Variants in SIGLEC7 observed in about 807,000 individuals in gnomAD.
SIGLEC7 encodes the protein sialic acid binding Ig like lectin 7.
In SIGLEC7, 33 loss-of-function variants were observed where a neutral mutation model predicts 40.8. That is an observed-to-expected ratio of 0.81 (90% confidence interval 0.61 to 1.08). The LOEUF (loss-of-function observed/expected upper bound fraction) is 1.08, where lower values mean the gene tolerates loss of function less well. SIGLEC7 is among the 50% of genes least tolerant of loss of function. SIGLEC7 has a pLI of 0.00. For synonymous variants in SIGLEC7, 242 were observed against 237.6 expected (o/e 1.02, Z -0.17); for missense variants, 513 against 576.1 (o/e 0.89, Z 1.12).
chr19:51,146,836 T>C lies in SIGLEC7; in HGVS notation c.1110T>C (p.Cys370=), dbSNP rs1169385561. ...GATALVFLSF[C]VIFIVVRSCR... Reference sequence around the variant, plus strand: ...CAGCCCTGGTCTTCCTCTCCTTCTGTGTCATCTTCATTGTGTGAGCACTGA... The same window carrying C: ...CAGCCCTGGTCTTCCTCTCCTTCTGCGTCATCTTCATTGTGTGAGCACTGA... Residue 370 remains cysteine, a synonymous_variant, in exon 5 of 7, where the codon TGT becomes TGC. Coordinates refer to ENST00000317643, the MANE Select transcript of SIGLEC7 (RefSeq NM_014385.4). 6.2e-6 allele frequency: 10 copies of C among 1,613,786 alleles called. No individual in the cohort carries two copies. Among genetic ancestry groups the C allele is most frequent in the Non-Finnish European group, 7.6e-6 (9 of 1,179,898 alleles).
intron 6 of SIGLEC7, among the ~76,000 whole-genome samples, chr19:51,151,379 G>C (rs1251279649): frequency 6.6e-6 from 1 of 152,224 alleles, no homozygotes; most frequent in Non-Finnish European, 1.5e-5. Flanking sequence ...AATAGGTTGA[G>C]TTTTGTGTGT....
intron 1 of SIGLEC7, among the ~76,000 whole-genome samples, chr19:51,143,619 CTT>C (rs771545441): frequency 1.3e-5 from 2 of 152,082 alleles, no homozygotes; most frequent in South Asian, 4.1e-4. Flanking sequence ...TGTAGTTTCT[CTT>C]TCGTGCTGGG....
chr19:51,144,582 C>A lies in SIGLEC7; in HGVS notation c.610C>A (p.Leu204Ile). 6.2e-7 allele frequency: 1 copy of A among 1,613,946 alleles called. No homozygotes were observed. The highest frequency in any genetic ancestry group is 8.5e-7 in the Non-Finnish European group (1 of 1,179,966). The change falls in exon 2 of 7, where the codon CTC becomes ATC. Residue 204 changes from leucine to isoleucine, a missense_variant. Coordinates refer to ENST00000317643, the MANE Select transcript of SIGLEC7 (RefSeq NM_014385.4). Reference protein sequence around the residue: ...PSTTRSSVLTLIPQPQHHGTS... With the variant: ...PSTTRSSVLTIIPQPQHHGTS... The stretch of plus-strand genomic sequence containing the variant: ...CACCACCCGCTCCTCAGTGCTCACC[C>A]TCATCCCACAGCCCCAGCACCACGG...
rs754000946 is a variant in SIGLEC7 at position 51,142,390 on chromosome 19, G to T, written c.21G>T (p.Leu7=). 5 of 1,613,778 alleles carry T rather than the reference G, an allele frequency of 3.1e-6. No homozygotes were observed. Among genetic ancestry groups the T allele is most frequent in the Non-Finnish European group, 4.2e-6 (5 of 1,179,772 alleles). MLLLLL[L]PLLWGRERVE... ...CAGATATGCTGCTGCTGCTGCTGCT[G>T]CCCCTGCTCTGGGGGAGGGAGAGGG... Residue 7 remains leucine, a synonymous_variant, in exon 1 of 7, where the codon CTG becomes CTT. Coordinates refer to ENST00000317643, the MANE Select transcript of SIGLEC7 (RefSeq NM_014385.4). This position sits in a 1 kb window ranked among gnomAD's most constrained non-coding sequence, Gnocchi z 5.0.
intron 6 of SIGLEC7, 27 bp downstream of exon 6, chr19:51,147,344 C>G (rs1237852263): frequency 4.4e-6 from 7 of 1,585,362 alleles, no homozygotes; most frequent in Admixed American, 1.8e-5. Flanking sequence ...TCTCCACACC[C>G]AGCATCCAGC....
At chr19:51,144,719 GA>G (rs769798817) in intron 2 of SIGLEC7, 35 bp downstream of exon 2, 1 of 1,604,912 alleles carries the variant, frequency 6.2e-7, no homozygotes, top group Non-Finnish European at 8.5e-7. Context: ...GGTCCCTGAT[GA>G]GGGGGGGACG....
chr19:51,143,094 T>G (rs2092081061), intron 1 of SIGLEC7, among the ~76,000 whole-genome samples: 1 of 152,148 alleles, frequency 6.6e-6, no homozygotes, highest in Non-Finnish European at 1.5e-5. Context: ...GTCCTAGGCA[T>G]GGCCGGGGTT....
At chr19:51,147,822 G>C (rs1056037157) in intron 6 of SIGLEC7, among the ~76,000 whole-genome samples, 4 of 152,174 alleles carry the variant, frequency 2.6e-5, no homozygotes, top group African/African-American at 4.8e-5. Context: ...ATACTATCTG[G>C]AAAGGCCAGA....
At chr19:51,146,289 G>A (rs376156204) in intron 4 of SIGLEC7, among the ~76,000 whole-genome samples, 168 bp downstream of exon 4, 86 of 152,256 alleles carry the variant, frequency 5.6e-4, no homozygotes, top group Admixed American at 2.7e-3. Context: ...GCCAGGAAAG[G>A]TGTGTAAGGC....
In SIGLEC7 at chr19:51,153,102, C is replaced by T; in HGVS notation, c.1261C>T (p.His421Tyr). The change falls in exon 7 of 7, where the codon CAC (histidine) becomes TAC (tyrosine). Residue 421 changes from histidine (H) to tyrosine (Y), a missense_variant. Coordinates refer to ENST00000317643, the MANE Select transcript of SIGLEC7 (RefSeq NM_014385.4). ...TESWADDNPR[H>Y]HGLAAHSSGE... is the part of the protein sequence containing the mutation. ...GTCCTGGGCAGATGATAACCCCCGA[C>T]ACCATGGCCTGGCTGCCCACTCCTC... 2 of 1,604,950 alleles carry T rather than the reference C, an allele frequency of 1.2e-6. No homozygotes were observed. Among genetic ancestry groups the T allele is most frequent in the Non-Finnish European group, 1.7e-6 (2 of 1,175,666 alleles).
chr19:51,143,295 G>A (rs187266536), intron 1 of SIGLEC7, among the ~76,000 whole-genome samples: 1,086 of 127,246 alleles, frequency 8.5e-3, no homozygotes, highest in South Asian at 0.012. Flanking sequence ...ACTTCCTGGC[G>A]CAAACCAAGG....
In SIGLEC7 at chr19:51,145,793, T is replaced by C; in HGVS notation, c.761-62T>C. 6.3e-7 allele frequency: 1 copy of C among 1,583,236 alleles called. No individual in the cohort carries two copies. Among genetic ancestry groups the C allele is most frequent in the South Asian group, 1.1e-5 (1 of 89,408 alleles). Reference sequence around the variant, plus strand: ...TCTGTTCCATTCCCCAGTCTCATTCTGTATCCTTCCTCCCTGTTTCAATCA... The same window carrying C: ...TCTGTTCCATTCCCCAGTCTCATTCCGTATCCTTCCTCCCTGTTTCAATCA... On this transcript the variant is annotated intron_variant, in intron 3 of 6. Coordinates refer to ENST00000317643, the MANE Select transcript of SIGLEC7 (RefSeq NM_014385.4). This position sits in a 1 kb window ranked among gnomAD's most constrained non-coding sequence, Gnocchi z 4.3.
chr19:51,144,305 C>T (rs1016654071), intron 1 of SIGLEC7, 101 bp from the exon 2 acceptor site: 22 of 1,510,572 alleles, frequency 1.5e-5, no homozygotes, highest in Admixed American at 8.8e-5. Context: ...GAGGGTGAAG[C>T]GAGTTGGGCT....
intron 2 of SIGLEC7, 79 bp from the exon 3 acceptor site, chr19:51,144,833 T>C: frequency 1.3e-6 from 2 of 1,581,110 alleles, no homozygotes; most frequent in Non-Finnish European, 8.7e-7. Context: ...GCCTTCCCCA[T>C]TTATGCAGCT....
chr19:51,146,225 C>G (rs1599832349), intron 4 of SIGLEC7, 104 bp downstream of exon 4: 1 of 1,464,362 alleles, frequency 6.8e-7, no homozygotes, highest in East Asian at 2.3e-5. Context: ...GGTCTGTGCT[C>G]AGCTGTGAGG....
chr19:51,149,707 T>A (rs974550675), intron 6 of SIGLEC7, among the ~76,000 whole-genome samples: 3 of 152,252 alleles, frequency 2.0e-5, no homozygotes, highest in Non-Finnish European at 4.4e-5. Context: ...GGTAGTTTGA[T>A]AGAAATAGCA....
At position 51,144,667 on chromosome 19, in the gene SIGLEC7, T is replaced by A; in HGVS notation, c.695T>A (p.Ile232Asn). 6.2e-7 allele frequency: 1 copy of A among 1,613,564 alleles called. No individual in the cohort carries two copies. The highest frequency in any genetic ancestry group is 8.5e-7 in the Non-Finnish European group (1 of 1,179,952). Reference protein sequence around the residue: ...PGAGVTTNRTIQLNVSYPPQN... With the variant: ...PGAGVTTNRTNQLNVSYPPQN... ...GCCGGCGTGACCACGAACAGGACCA[T>A]CCAACTCAATGTGTCCTGTGAGTGC... Residue 232 changes from isoleucine to asparagine, a missense_variant, in exon 2 of 7, where the codon ATC (isoleucine) becomes AAC (asparagine). By Grantham distance (149) the Ile-to-Asn change is moderately radical (BLOSUM62 -3). Transcript: ENST00000317643.
At chr19:51,149,135 T>A (rs2092128559) in intron 6 of SIGLEC7, among the ~76,000 whole-genome samples, 1 of 152,252 alleles carries the variant, frequency 6.6e-6, no homozygotes, top group Admixed American at 6.5e-5. Context: ...GATGGTTTAT[T>A]TTGCTGTGCA....
rs141011122 is a variant in SIGLEC7 at position 51,147,834 on chromosome 19, A to G, written c.1221+517A>G. On this transcript the variant is annotated intron_variant, in intron 6 of 6. Transcript: ENST00000317643. ...AAAATACTATCTGGAAAGGCCAGATAGGAAATATTTTTGGCTTTCTGGCCT... is the reference window on the plus strand; with the variant it reads ...AAAATACTATCTGGAAAGGCCAGATGGGAAATATTTTTGGCTTTCTGGCCT... 5.4e-3 allele frequency among the ~76,000 whole-genome samples: 830 copies of G among 152,338 alleles called. 4 individuals carry two copies. The highest frequency in any genetic ancestry group is 0.019 in the African/African-American group (782 of 41,576).
Sources: gnomAD v4.1 joint callset for allele counts (sites outside exome capture counted in the v4.1 genomes callset) on GRCh38, gnomAD v4.1.1 for gene constraint, Gnocchi (gnomAD v3.1) non-coding constraint, MANE v1.5 for transcripts, NCBI Gene and HGNC (gene_info 2026-07-23, HGNC 2026-07-21) for gene names.